Variants in ATRNL1 observed in about 807,000 individuals in gnomAD.
The protein encoded by ATRNL1 is attractin-like protein 1.
A neutral mutation model predicts 182.7 loss-of-function variants in ATRNL1; 95 were observed. That is an observed-to-expected ratio of 0.52 (90% CI 0.44 to 0.62). ATRNL1 has a LOEUF of 0.62. Among genes scored for constraint, ATRNL1 ranks in the 20% least tolerant of loss-of-function variants. The pLI, the probability that ATRNL1 is intolerant of heterozygous loss-of-function variation, is 0.00. For synonymous variants in ATRNL1, 576 were observed against 568.3 expected, an observed-to-expected ratio of 1.01 and a Z score of -0.19; for missense variants, 1,471 against 1,679.5, an observed-to-expected ratio of 0.88 and a Z score of 2.17.
Position 115,803,787 on chromosome 10 carries a change from T to A in ATRNL1, c.3904-44090T>A, listed in dbSNP as rs1378786840. 1.9e-4 allele frequency among the ~76,000 whole-genome samples: 29 copies of A among 152,142 alleles called. 1 individual carries two copies. On this transcript the variant is annotated intron_variant, in intron 27 of 28. Transcript: ENST00000355044. The stretch of plus-strand genomic sequence containing the variant: ...AACTCTTTTAACTGCAAAGTCAGAA[T>A]GGGTATACTTTGTTATGAACATATT...
chr10:115,340,122 C>A (rs1029000973), intron 19 of ATRNL1, among the ~76,000 whole-genome samples: 1 of 152,070 alleles, frequency 6.6e-6, no homozygotes, highest in Non-Finnish European at 1.5e-5. Context: ...CACCAACATT[C>A]ACTAGAGATA....
intron 24 of ATRNL1, among the ~76,000 whole-genome samples, chr10:115,481,503 T>C (rs1285455074): frequency 6.6e-6 from 1 of 150,888 alleles, no homozygotes; most frequent in Non-Finnish European, 1.5e-5. Flanking sequence ...TATTTTTATC[T>C]AAATTTTTAT....
At chr10:115,336,732 G>T (rs782191484) in intron 19 of ATRNL1, among the ~76,000 whole-genome samples, 17 of 152,002 alleles carry the variant, frequency 1.1e-4, no homozygotes, top group Non-Finnish European at 2.5e-4. Flanking sequence ...ATTTCTGTTG[G>T]CATTTATATA....
chr10:115,180,239 T>C (rs1267603106), intron 8 of ATRNL1, among the ~76,000 whole-genome samples: 1 of 152,072 alleles, frequency 6.6e-6, no homozygotes, highest in Non-Finnish European at 1.5e-5. Flanking sequence ...TCTTATTGTA[T>C]ATTTGTTTTT....
rs1473053445 is a variant in ATRNL1 at position 115,800,232 on chromosome 10, AAAG to A, written c.3904-47636_3904-47634del. ...CAAAACTCCATCTCAAAAAAAAAAA[AAAG>A]AAGAAGAATCTGATGCTAAGAAAAG... On this transcript the variant is annotated intron_variant, in intron 27 of 28. Transcript: ENST00000355044. 6.6e-5 allele frequency among the ~76,000 whole-genome samples: 10 copies of A among 152,024 alleles called. No homozygotes were observed. The South Asian group carries it at 1.5e-3, about 22-fold the overall frequency.
At chr10:115,800,087 G>T (rs1370636505) in intron 27 of ATRNL1, among the ~76,000 whole-genome samples, 1 of 152,002 alleles carries the variant, frequency 6.6e-6, no homozygotes, top group Non-Finnish European at 1.5e-5. Flanking sequence ...GGACGTGGTG[G>T]TGCGTGCCTG....
At chr10:115,140,783 A>G (rs1845725679) in intron 5 of ATRNL1, among the ~76,000 whole-genome samples, 1 of 152,270 alleles carries the variant, frequency 6.6e-6, no homozygotes, top group South Asian at 2.1e-4. Flanking sequence ...TATTGATTGA[A>G]ATACAGTATC....
chr10:115,505,519 C>G (rs1223636919), intron 24 of ATRNL1, among the ~76,000 whole-genome samples: 1 of 151,806 alleles, frequency 6.6e-6, no homozygotes, highest in Admixed American at 6.6e-5. Context: ...AAACAAAAAA[C>G]AGAAGTTCCT....
chr10:115,726,977 A>C (rs181821244), intron 26 of ATRNL1, among the ~76,000 whole-genome samples: 1 of 152,066 alleles, frequency 6.6e-6, no homozygotes, highest in African/African-American at 2.4e-5. Context: ...CGAGGCTTTC[A>C]GAGTGCTTTT....
chr10:115,826,662 T>G (rs1950441004), intron 27 of ATRNL1, among the ~76,000 whole-genome samples: 2 of 152,030 alleles, frequency 1.3e-5, no homozygotes, highest in Non-Finnish European at 2.9e-5. Context: ...GAATAGAATT[T>G]TATTGAGCAA....
chr10:115,749,681 G>C (rs552349410), intron 27 of ATRNL1, among the ~76,000 whole-genome samples: 59 of 151,810 alleles, frequency 3.9e-4, no homozygotes, highest in African/African-American at 1.3e-3. Context: ...TATTTGCCAG[G>C]TTTAGACCTT....
At chr10:115,795,200 T>C (rs1949622646) in intron 27 of ATRNL1, among the ~76,000 whole-genome samples, 1 of 152,194 alleles carries the variant, frequency 6.6e-6, no homozygotes, top group Non-Finnish European at 1.5e-5. Flanking sequence ...GGCCTCTCTG[T>C]AGACAGAGCT....
intron 27 of ATRNL1, among the ~76,000 whole-genome samples, chr10:115,828,117 ATAC>A (rs2134302806): frequency 6.6e-6 from 1 of 152,306 alleles, no homozygotes; most frequent in East Asian, 1.9e-4. Context: ...CTGGAGTTCG[ATAC>A]CAGCCTGACC....
chr10:115,297,297 T>C (rs967516785), intron 15 of ATRNL1, among the ~76,000 whole-genome samples: 21 of 152,254 alleles, frequency 1.4e-4, no homozygotes, highest in African/African-American at 4.8e-4. Context: ...TTAAAATCTG[T>C]TTATATTCTT....
At chr10:115,894,357 G>C (rs1339851548) in intron 28 of ATRNL1, among the ~76,000 whole-genome samples, 1 of 152,106 alleles carries the variant, frequency 6.6e-6, no homozygotes, top group Non-Finnish European at 1.5e-5. Flanking sequence ...AATTTATCCA[G>C]TAAACAATGT....
rs1420143943 is a variant in ATRNL1, at chr10:115,223,929, A to ATATATATT, written c.1532+8050_1532+8051insATATATTT. On this transcript the variant is annotated intron_variant, in intron 9 of 28. Transcript: ENST00000355044. ...TGTGTGTGTGTATATATATATATATATTTTTTTTTTTTTTTTTTTTCTTTG... is the reference window on the plus strand; with the variant it reads ...TGTGTGTGTGTATATATATATATATATATATATTTTTTTTTTTTTTTTTTTTTTCTTTG... 1.3e-4 allele frequency among the ~76,000 whole-genome samples: 6 copies of ATATATATT among 44,728 alleles called. 1 individual carries two copies. Among genetic ancestry groups the ATATATATT allele is most frequent in the African/African-American group, 3.7e-4 (4 of 10,856 alleles). The allele number at this position is 44,728 out of a possible 152,430, so 29.3% of individuals were successfully genotyped here. A position where few individuals can be genotyped will look rare whatever the true frequency, so the allele number is the denominator to read the frequency against.
intron 25 of ATRNL1, among the ~76,000 whole-genome samples, chr10:115,536,576 T>C (rs1176496903): frequency 2.0e-5 from 3 of 152,230 alleles, no homozygotes; most frequent in Non-Finnish European, 4.4e-5. Context: ...AGTGAGGCAA[T>C]GCCTCGCCCT....
At position 115,681,787 on chromosome 10, in the gene ATRNL1, A is replaced by G. The variant is rs536172203; in HGVS notation, c.3796-45461A>G. ...AATATATAACTAAAAAAGAACTTTC[A>G]TGTAATTTTAATACACCATCCCACC... is the stretch of plus-strand genomic sequence containing the variant. On this transcript the variant is annotated intron_variant, in intron 26 of 28. Transcript: ENST00000355044. Among the ~76,000 whole-genome samples, 12 of 152,280 alleles carry G rather than the reference A, an allele frequency of 7.9e-5. No individual in the cohort carries two copies. In the South Asian group the frequency reaches 2.5e-3, roughly 32 times the overall value.
intron 28 of ATRNL1, among the ~76,000 whole-genome samples, chr10:115,928,913 C>T (rs1315688106): frequency 6.6e-6 from 1 of 151,894 alleles, no homozygotes; most frequent in African/African-American, 2.4e-5. Context: ...ATTTGATTCT[C>T]TCATACTTTT....
Sources: allele counts gnomAD v4.1 joint callset (sites outside exome capture counted in the v4.1 genomes callset), GRCh38; gene constraint gnomAD v4.1.1; transcripts MANE v1.5; gene names NCBI Gene and HGNC (gene_info 2026-07-23, HGNC 2026-07-21).